MCM5: variants seen among roughly 807,000 people sequenced by gnomAD.
MCM5 encodes the protein DNA replication licensing factor MCM5.
Under a neutral mutation model 79.9 loss-of-function variants are expected in MCM5, and 46 were observed. That is an observed-to-expected ratio of 0.58 (90% CI 0.45 to 0.74). The LOEUF is 0.74. Among genes scored for constraint, MCM5 ranks in the 30% least tolerant of loss-of-function variants. MCM5 has a pLI of 0.00. For synonymous variants in MCM5, 404 were observed against 390.5 expected (o/e 1.03, Z -0.41); for missense variants, 883 against 1,017.0 (o/e 0.87, Z 1.79).
chr22:35,409,025 C>G (rs1239432387), intron 6 of MCM5, among the ~76,000 whole-genome samples: 1 of 151,646 alleles, frequency 6.6e-6, no homozygotes, highest in East Asian at 1.9e-4. Flanking sequence ...TGCAGTGGCG[C>G]GATCTCGGCT....
At chr22:35,417,910 G>A in intron 13 of MCM5, 54 bp downstream of exon 13, 2 of 1,261,658 alleles carry the variant, frequency 1.6e-6, no homozygotes, top group Admixed American at 1.7e-5. Flanking sequence ...TCCCTGGGTG[G>A]GAGAGAACCC....
chr22:35,403,204 C>T lies in MCM5; in HGVS notation c.168-3C>T, dbSNP rs2145782330. ...GCCCCACCCTGCTATGTGCCCACTC[C>T]AGGGATGAACTCAAGCGGCATTACA... On this transcript the variant is annotated splice_polypyrimidine_tract_variant and splice_region_variant and intron_variant, in intron 2 of 16. Transcript: ENST00000216122. 6.2e-7 allele frequency: 1 copy of T among 1,614,070 alleles called. No homozygotes were observed. The highest frequency in any genetic ancestry group is 8.5e-7 in the Non-Finnish European group (1 of 1,180,000).
chr22:35,407,686 G>C (rs1216438193), intron 5 of MCM5, among the ~76,000 whole-genome samples: 8 of 152,192 alleles, frequency 5.3e-5, no homozygotes, highest in Non-Finnish European at 1.0e-4. Flanking sequence ...CCCCTTACCA[G>C]GGGCATCTTG....
intron 16 of MCM5, chr22:35,423,924 G>A (rs1932752586): frequency 3.9e-6 from 2 of 514,240 alleles, no homozygotes; most frequent in Non-Finnish European, 6.9e-6. Flanking sequence ...CGGTTCTAGA[G>A]TCAGATGGGA....
At chr22:35,445,503 ATT>A in the MCM5 span, among the ~76,000 whole-genome samples, 1 of 144,864 alleles carries the variant, frequency 6.9e-6, no homozygotes, top group African/African-American at 2.6e-5. Context: ...TAATTTTTGT[ATT>A]TTTGTATTTT....
Position 35,412,622 on chromosome 22 carries a change from T to TG in MCM5, c.1037dup (p.Thr347HisfsTer21). Reference sequence around the variant, plus strand: ...CCAAGAGCATCGCCCCCTCCATCTTTGGGGGCACAGACATGAAGAAGGCCA... The same window carrying TG: ...CCAAGAGCATCGCCCCCTCCATCTTTGGGGGGCACAGACATGAAGAAGGCCA... On this transcript the variant is annotated frameshift_variant, in exon 8 of 17. Transcript: ENST00000216122. LOFTEE classifies it high-confidence loss of function. The TG allele has an allele frequency of 6.3e-7, 1 of 1,575,598 alleles. No individual in the cohort carries two copies. The highest frequency in any genetic ancestry group is 8.6e-7 in the Non-Finnish European group (1 of 1,157,724).
chr22:35,429,655 G>A (rs376079679), downstream of MCM5, among the ~76,000 whole-genome samples: 2 of 151,492 alleles, frequency 1.3e-5, no homozygotes, highest in East Asian at 3.9e-4. Flanking sequence ...CCTGCCCCAG[G>A]CTCCCGAGTA....
At chr22:35,441,970 G>A in the MCM5 span, among the ~76,000 whole-genome samples, 1 of 152,058 alleles carries the variant, frequency 6.6e-6, no homozygotes, top group Non-Finnish European at 1.5e-5. Flanking sequence ...TGTTGCAACA[G>A]CATCCCACGG....
chr22:35,401,301 C>G (rs529233998), intron 2 of MCM5: 58 of 436,070 alleles, frequency 1.3e-4, no homozygotes, highest in Admixed American at 2.3e-4. Context: ...CTCAAGTTCC[C>G]TGTAGGTGTA....
chr22:35,411,873 A>G (rs1451464444), intron 7 of MCM5, among the ~76,000 whole-genome samples: 1 of 152,132 alleles, frequency 6.6e-6, no homozygotes. Flanking sequence ...CGAACTTTAC[A>G]TGGCTGAAGC....
the MCM5 span, among the ~76,000 whole-genome samples, chr22:35,431,735 T>C: frequency 6.6e-6 from 1 of 152,178 alleles, no homozygotes; most frequent in African/African-American, 2.4e-5. Context: ...TTGAGGATCT[T>C]GGCTCCTGGA....
intron 14 of MCM5, 83 bp downstream of exon 14, chr22:35,420,095 T>C (rs1932657429): frequency 1.3e-6 from 2 of 1,485,380 alleles, no homozygotes; most frequent in South Asian, 2.7e-5. Context: ...GGGGCAGTGG[T>C]CCAGGCTTTT....
At chr22:35,407,526 C>T (rs1932253173) in intron 5 of MCM5, among the ~76,000 whole-genome samples, 1 of 152,222 alleles carries the variant, frequency 6.6e-6, no homozygotes, top group Non-Finnish European at 1.5e-5. Context: ...TCTCTCCAGG[C>T]CCGGCCTCAC....
chr22:35,406,306 C>T (rs4645757), intron 4 of MCM5, among the ~76,000 whole-genome samples: 2 of 142,128 alleles, frequency 1.4e-5, no homozygotes, highest in Non-Finnish European at 3.1e-5. Flanking sequence ...ACCTCCCCCC[C>T]CAATTGTGCT....
At chr22:35,451,688 C>T in the MCM5 span, among the ~76,000 whole-genome samples, 3 of 152,246 alleles carry the variant, frequency 2.0e-5, no homozygotes, top group Non-Finnish European at 4.4e-5. Context: ...CCTTTGTCCC[C>T]CTGCAGAAGC....
chr22:35,444,166 G>GAAGAGA, the MCM5 span, among the ~76,000 whole-genome samples: 2 of 147,908 alleles, frequency 1.4e-5, no homozygotes, highest in Non-Finnish European at 3.0e-5. Context: ...CTGACAGGCA[G>GAAGAGA]GAGAGAGAGA....
the MCM5 span, among the ~76,000 whole-genome samples, chr22:35,449,684 C>T: frequency 6.6e-6 from 1 of 152,250 alleles, no homozygotes; most frequent in Non-Finnish European, 1.5e-5. Flanking sequence ...CGGCACCTTG[C>T]TCTGTCCTAT....
At chr22:35,438,736 TATTCATCC>T in the MCM5 span, among the ~76,000 whole-genome samples, 2 of 82,534 alleles carry the variant, frequency 2.4e-5, no homozygotes. Context: ...TCCATCCACA[TATTCATCC>T]ATTCACCCAT....
At chr22:35,448,218 T>A in the MCM5 span, among the ~76,000 whole-genome samples, 3 of 152,212 alleles carry the variant, frequency 2.0e-5, no homozygotes. Context: ...AGCGCCTGCC[T>A]CGTACAGTGG....
Sources: gnomAD v4.1 joint callset for allele counts (sites outside exome capture counted in the v4.1 genomes callset) on GRCh38, gnomAD v4.1.1 for gene constraint, MANE v1.5 for transcripts, NCBI Gene and HGNC (gene_info 2026-07-23, HGNC 2026-07-21) for gene names.